Variants in GMPS observed in about 807,000 individuals in gnomAD.
The protein encoded by GMPS is guanosine monophosphate synthase, also known as GMP synthase [glutamine-hydrolyzing].
In GMPS, 15 loss-of-function variants were observed where a neutral mutation model predicts 77.9. The ratio of observed to expected loss-of-function variants is 0.19; its 90% CI spans 0.13 to 0.30. GMPS has a LOEUF of 0.30. Among genes scored for constraint, GMPS ranks in the 10% least tolerant of loss-of-function variants. The pLI is 1.00. For missense variants in GMPS, 590 were observed against 838.8 expected (o/e 0.70, Z 3.66); for synonymous variants, 224 against 275.9 (o/e 0.81, Z 1.86).
At position 155,870,795 on chromosome 3, in the gene GMPS, G is replaced by A. The variant is rs933208337; in HGVS notation, c.-76G>A. On this transcript the variant is annotated 5_prime_UTR_variant, in exon 1 of 16. Coordinates refer to ENST00000496455, the MANE Select transcript of GMPS (RefSeq NM_003875.3). The stretch of plus-strand genomic sequence containing the variant: ...GCCTCCTTCTCAACCTCAGCCCGCG[G>A]CGCCGACCCTTCCGGCACCCTCCCG... 48 of 1,008,870 alleles carry A rather than the reference G, an allele frequency of 4.8e-5. No homozygotes were observed. The highest frequency in any genetic ancestry group is 6.6e-5 in the Non-Finnish European group (45 of 682,350). 62.5% of individuals were successfully genotyped at this position (1,008,870 alleles called of 1,614,324 possible). A position where few individuals can be genotyped will look rare whatever the true frequency, so the allele number is the denominator to read the frequency against.
At chr3:155,925,401 T>G (rs1160238599) in intron 12 of GMPS, 35 bp downstream of exon 12, 1 of 429,032 alleles carries the variant, frequency 2.3e-6, no homozygotes, top group Non-Finnish European at 3.3e-6. Context: ...AGTGATATAC[T>G]TTTTTTTTTT....
chr3:155,872,407 T>C (rs920859777), intron 1 of GMPS, among the ~76,000 whole-genome samples: 2 of 152,214 alleles, frequency 1.3e-5, no homozygotes, highest in African/African-American at 4.8e-5. Flanking sequence ...CGATTACTAG[T>C]CGACTTGCAA....
chr3:155,871,180 C>G (rs1313924619), intron 1 of GMPS, among the ~76,000 whole-genome samples: 1 of 152,058 alleles, frequency 6.6e-6, no homozygotes. Context: ...TCCCCCGCGC[C>G]GCTGTGGGGC....
At chr3:155,903,809 A>G in intron 3 of GMPS, 54 bp from the exon 4 acceptor site, 1 of 703,190 alleles carries the variant, frequency 1.4e-6, no homozygotes, top group Non-Finnish European at 2.4e-6. Flanking sequence ...CAGTATAACA[A>G]AATGGGTATT....
chr3:155,885,670 T>C (rs1754318507), intron 1 of GMPS, among the ~76,000 whole-genome samples: 1 of 152,246 alleles, frequency 6.6e-6, no homozygotes, highest in Non-Finnish European at 1.5e-5. Flanking sequence ...TTGGAGTATT[T>C]GTATTATACT....
In GMPS at chr3:155,914,408, C is replaced by T. The variant is rs1755117317; in HGVS notation, c.887-11C>T. 6.6e-7 allele frequency: 1 copy of T among 1,520,822 alleles called. No individual in the cohort carries two copies. Among genetic ancestry groups the T allele is most frequent in the Non-Finnish European group, 8.8e-7 (1 of 1,137,544 alleles). 94.2% of individuals were successfully genotyped at this position (1,520,822 alleles called of 1,614,324 possible). A position where few individuals can be genotyped will look rare whatever the true frequency, so the allele number is the denominator to read the frequency against. On this transcript the variant is annotated splice_polypyrimidine_tract_variant and intron_variant, in intron 7 of 15. Coordinates refer to ENST00000496455, the MANE Select transcript of GMPS (RefSeq NM_003875.3). ...TATACCAATTTAAAACGCTTCTCCC[C>T]TTTCCTCCAGTGATAAATGCTGCTC...
chr3:155,890,604 C>T (rs1754441118), intron 1 of GMPS, among the ~76,000 whole-genome samples: 1 of 152,314 alleles, frequency 6.6e-6, no homozygotes, highest in Non-Finnish European at 1.5e-5. Flanking sequence ...TGTGTCGTTT[C>T]TGTGCCTTGG....
In GMPS at chr3:155,937,776, A is replaced by G; in HGVS notation, c.*84A>G. 4.2e-6 allele frequency: 3 copies of G among 710,542 alleles called. No individual in the cohort carries two copies. Among genetic ancestry groups the G allele is most frequent in the Non-Finnish European group, 7.5e-6 (3 of 399,148 alleles). The allele number at this position is 710,542 out of a possible 1,614,324, so 44.0% of individuals were successfully genotyped here. A position where few individuals can be genotyped will look rare whatever the true frequency, so the allele number is the denominator to read the frequency against. On this transcript the variant is annotated 3_prime_UTR_variant, in exon 16 of 16. Coordinates refer to ENST00000496455, the MANE Select transcript of GMPS (RefSeq NM_003875.3). ...CATTATTGACATGCAGTACTGTGAA[A>G]AGAGTTACTGGAGCAGCTACATCAC... is the stretch of plus-strand genomic sequence containing the variant.
intron 1 of GMPS, among the ~76,000 whole-genome samples, chr3:155,876,971 T>C (rs559895677): frequency 6.6e-6 from 1 of 152,328 alleles, no homozygotes; most frequent in East Asian, 1.9e-4. Flanking sequence ...CATGTGAAGT[T>C]TTCTGTTTAG....
At chr3:155,903,351 A>G (rs371264555) in intron 3 of GMPS, among the ~76,000 whole-genome samples, 1 of 152,248 alleles carries the variant, frequency 6.6e-6, no homozygotes, top group Non-Finnish European at 1.5e-5. Flanking sequence ...CTGAAAGGCC[A>G]GATTTTCTTG....
intron 1 of GMPS, among the ~76,000 whole-genome samples, chr3:155,871,974 C>T (rs570451229): frequency 6.6e-6 from 1 of 152,288 alleles, no homozygotes; most frequent in African/African-American, 2.4e-5. Flanking sequence ...AGCGGGAAAC[C>T]GTGCAGTTTT....
At chr3:155,892,067 G>C (rs1280620656) in intron 1 of GMPS, among the ~76,000 whole-genome samples, 1 of 152,074 alleles carries the variant, frequency 6.6e-6, no homozygotes, top group Non-Finnish European at 1.5e-5. Flanking sequence ...ACTAGAGGGA[G>C]AAAACCTCCC....
chr3:155,887,420 A>C (rs1245932485), intron 1 of GMPS, among the ~76,000 whole-genome samples: 2 of 152,218 alleles, frequency 1.3e-5, no homozygotes, highest in Non-Finnish European at 2.9e-5. Context: ...TTCTTGTCAA[A>C]TGTTTATCTA....
At chr3:155,878,904 G>A (rs760892002) in intron 1 of GMPS, among the ~76,000 whole-genome samples, 2 of 152,034 alleles carry the variant, frequency 1.3e-5, no homozygotes, top group African/African-American at 4.8e-5. Flanking sequence ...GGAGAGGGAT[G>A]GGGGGAGGGT....
chr3:155,879,730 CTTT>C (rs58045835), intron 1 of GMPS, among the ~76,000 whole-genome samples: 1 of 107,632 alleles, frequency 9.3e-6, no homozygotes, highest in Non-Finnish European at 1.7e-5. Flanking sequence ...CTTTTTTGCC[CTTT>C]TTTTTTTTTT....
upstream of GMPS, among the ~76,000 whole-genome samples, chr3:155,869,517 C>T (rs1005741818): frequency 6.6e-6 from 1 of 152,200 alleles, no homozygotes; most frequent in Non-Finnish European, 1.5e-5. Flanking sequence ...GTCTCAGGCC[C>T]ACTAGGACCT....
chr3:155,903,834 TATTAAC>T, intron 3 of GMPS, 23 bp from the exon 4 acceptor site: 4 of 921,886 alleles, frequency 4.3e-6, no homozygotes, highest in Non-Finnish European at 6.6e-6. Flanking sequence ...TTTTGATTTC[TATTAAC>T]ATTAATTTTT....
intron 1 of GMPS, among the ~76,000 whole-genome samples, chr3:155,879,159 A>G (rs535418074): frequency 1.3e-5 from 2 of 152,164 alleles, no homozygotes; most frequent in South Asian, 4.1e-4. Context: ...CCTCAGAGAC[A>G]TACCCAGAAA....
At chr3:155,934,886 G>C (rs1288586370) in intron 13 of GMPS, 30 bp from the exon 14 acceptor site, 30 of 1,399,824 alleles carry the variant, frequency 2.1e-5, no homozygotes, top group Non-Finnish European at 3.0e-5. Flanking sequence ...AAATGTAATT[G>C]CTGTATTATT....
Sources: gnomAD v4.1 joint callset for allele counts (sites outside exome capture counted in the v4.1 genomes callset) on GRCh38, gnomAD v4.1.1 for gene constraint, MANE v1.5 for transcripts, NCBI Gene and HGNC (gene_info 2026-07-23, HGNC 2026-07-21) for gene names.